Variants in PAK6 observed in about 807,000 individuals in gnomAD.
The protein encoded by PAK6 is serine/threonine-protein kinase PAK 6.
A neutral mutation model predicts 60.8 loss-of-function variants in PAK6; 33 were observed. The observed-to-expected ratio is 0.54, with a 90% CI of 0.41 to 0.73. PAK6 has a LOEUF of 0.73. Ranked by LOEUF, PAK6 falls within the 30% of genes least tolerant of loss-of-function variation. The probability of loss-of-function intolerance (pLI) is 0.00; values close to 1 mark genes in which losing one functional copy is unlikely to be tolerated. For synonymous variants in PAK6, 404 were observed against 378.5 expected (o/e 1.07, Z -0.78); for missense variants, 845 against 904.1 (o/e 0.93, Z 0.84).
chr15:40,273,982 C>T, intron 9 of PAK6, 160 bp from the exon 10 acceptor site: 1 of 820,476 alleles, frequency 1.2e-6, no homozygotes, highest in Non-Finnish European at 2.0e-6. Flanking sequence ...CTCATGCAGG[C>T]AGTAACTGGC....
In PAK6 at chr15:40,247,829, T is replaced by C. The variant is rs564492464; in HGVS notation, c.-117-5349T>C. 3.9e-5 allele frequency among the ~76,000 whole-genome samples: 6 copies of C among 152,298 alleles called. No homozygotes were observed. In the East Asian group the frequency reaches 1.2e-3, roughly 29 times the overall value. ...GTTGATTTAGTAGCAAGTGGTAGCC[T>C]TGTTTTCTGGACGAATCCTGGGATT... On this transcript the variant is annotated intron_variant, in intron 2 of 10. Transcript: ENST00000560346.
At chr15:40,271,123 T>C (rs768406168) in intron 5 of PAK6, among the ~76,000 whole-genome samples, 11 of 152,216 alleles carry the variant, frequency 7.2e-5, no homozygotes, top group Non-Finnish European at 1.6e-4. Flanking sequence ...GAAGGCTTTT[T>C]CTGCATCCCC....
exon 5 of PAK6, chr15:40,266,074 G>A (rs1227210160): frequency 1.2e-6 from 2 of 1,610,286 alleles, no homozygotes; most frequent in Admixed American, 1.7e-5. Context: ...CTCTACCTCA[G>A]CTGCAACGGG....
chr15:40,240,825 C>T (rs375465848), intron 2 of PAK6, 144 bp downstream of exon 2: 21 of 327,944 alleles, frequency 6.4e-5, no homozygotes, highest in African/African-American at 2.6e-4. Context: ...ACTCCCCACC[C>T]GGCCTGCCAC....
chr15:40,272,505 G>A, exon 6 of PAK6: 1 of 1,613,826 alleles, frequency 6.2e-7, no homozygotes, highest in South Asian at 1.1e-5. Context: ...TGGCTGGTGA[G>A]GACACAGGTG....
exon 6 of PAK6, chr15:40,272,417 C>A: frequency 6.2e-7 from 1 of 1,613,372 alleles, no homozygotes; most frequent in Non-Finnish European, 8.5e-7. Flanking sequence ...CCAGCGGGAT[C>A]CCCCCGCACC....
intron 2 of PAK6, among the ~76,000 whole-genome samples, chr15:40,250,372 C>T (rs1000118026): frequency 2.6e-5 from 4 of 152,180 alleles, no homozygotes; most frequent in African/African-American, 4.8e-5. Context: ...AGAAAACTGG[C>T]GTTGTGATGG....
chr15:40,255,881 C>T (rs148204246), intron 3 of PAK6, among the ~76,000 whole-genome samples: 4 of 152,240 alleles, frequency 2.6e-5, no homozygotes, highest in Non-Finnish European at 5.9e-5. Context: ...GGTCAGACCC[C>T]GTCAGGAGTG....
intron 10 of PAK6, 123 bp from the exon 11 acceptor site, chr15:40,275,804 A>G: frequency 1.1e-6 from 1 of 887,186 alleles, no homozygotes; most frequent in South Asian, 1.6e-5. Context: ...GGGGAGGGAC[A>G]AGGGAACAGG....
intron 2 of PAK6, among the ~76,000 whole-genome samples, chr15:40,243,369 G>A (rs138797795): frequency 1.5e-4 from 23 of 152,216 alleles, no homozygotes; most frequent in Middle Eastern, 3.4e-3. Flanking sequence ...CTGGTGACTC[G>A]GGCAAGTTAC....
chr15:40,240,767 A>G (rs138173624), intron 2 of PAK6, 86 bp downstream of exon 2: 3 of 394,130 alleles, frequency 7.6e-6, no homozygotes, highest in East Asian at 1.5e-4. Context: ...CCCACCTGGG[A>G]CAGGGAGGCT....
intron 3 of PAK6, chr15:40,260,451 C>T (rs1038702146): frequency 6.6e-6 from 1 of 152,182 alleles, no homozygotes; most frequent in Non-Finnish European, 1.5e-5. Context: ...TCTTCTGTTC[C>T]ATTGGTCTAT....
intron 3 of PAK6, chr15:40,264,486 C>T: frequency 1.8e-6 from 1 of 544,856 alleles, no homozygotes; most frequent in Admixed American, 2.2e-5. Context: ...TTTATAAAAA[C>T]ACACCCCCAG....
intron 2 of PAK6, chr15:40,252,356 G>A (rs1439508356): frequency 9.2e-6 from 12 of 1,301,122 alleles, no homozygotes; most frequent in Non-Finnish European, 4.0e-6. Flanking sequence ...GGTCCCCGCG[G>A]CTGTGGCCAG....
chr15:40,253,044 T>G, intron 2 of PAK6, 134 bp from the exon 3 acceptor site: 2 of 387,826 alleles, frequency 5.2e-6, no homozygotes, highest in South Asian at 4.0e-5. Flanking sequence ...TGCCGCCTCT[T>G]GCACCTGAGC....
chr15:40,275,280 G>GTTTTTTTTTTTTTGTTTTTTTTTT (rs2039419618), intron 10 of PAK6, among the ~76,000 whole-genome samples: 1 of 56,488 alleles, frequency 1.8e-5, no homozygotes, highest in Non-Finnish European at 3.1e-5. Context: ...GTTGTTGTTG[G>GTTTTTTTTTTTTTGTTTTTTTTTT]TTTTTTTTTT....
intron 3 of PAK6, among the ~76,000 whole-genome samples, chr15:40,256,651 A>G (rs1457146815): frequency 6.6e-6 from 1 of 152,232 alleles, no homozygotes; most frequent in Non-Finnish European, 1.5e-5. Context: ...TGGCCACTGC[A>G]GCCAAGTTCA....
chr15:40,264,825 G>C lies in PAK6; in HGVS notation c.40G>C (p.Ala14Pro), dbSNP rs760311307. Reference sequence around the variant, plus strand: ...AAAGAAGAAACGCCCTGAGATCTCAGCGCCACAGAACTTCCAGCACCGTGT... The same window carrying C: ...AAAGAAGAAACGCCCTGAGATCTCACCGCCACAGAACTTCCAGCACCGTGT... Residue 14 changes from alanine (A) to proline (P), a missense_variant, in exon 4 of 11, where the codon GCG (alanine) becomes CCG (proline). Transcript: ENST00000560346. 30 of 1,613,842 alleles carry C rather than the reference G, an allele frequency of 1.9e-5. No homozygotes were observed. Among genetic ancestry groups the C allele is most frequent in the Non-Finnish European group, 2.4e-5 (28 of 1,180,048 alleles).
At chr15:40,247,098 A>T (rs1326333270) in intron 2 of PAK6, 1 of 152,540 alleles carries the variant, frequency 6.6e-6, no homozygotes, top group Non-Finnish European at 1.5e-5. Context: ...CCTGAAAGTC[A>T]GCCACTGGGC....
Sources: gnomAD v4.1 joint callset for allele counts (sites outside exome capture counted in the v4.1 genomes callset) on GRCh38, gnomAD v4.1.1 for gene constraint, MANE v1.5 for transcripts, NCBI Gene and HGNC (gene_info 2026-07-23, HGNC 2026-07-21) for gene names.